Variants in GRID1 observed in about 807,000 individuals in gnomAD.
GRID1 encodes the protein glutamate ionotropic receptor delta type subunit 1.
Under a neutral mutation model 98.0 loss-of-function variants are expected in GRID1, and 28 were observed. The observed-to-expected ratio is 0.29, with a 90% CI of 0.21 to 0.39. The LOEUF (loss-of-function observed/expected upper bound fraction) is 0.39, where lower values mean the gene tolerates loss of function less well. Among genes scored for constraint, GRID1 ranks in the 10% least tolerant of loss-of-function variants. The pLI is 1.00. For synonymous variants in GRID1, 553 were observed against 538.5 expected (o/e 1.03, Z -0.37); for missense variants, 1,111 against 1,340.5 (o/e 0.83, Z 2.67).
intron 15 of GRID1, among the ~76,000 whole-genome samples, chr10:85,608,291 T>C (rs541983644): frequency 2.6e-5 from 4 of 152,298 alleles, no homozygotes; most frequent in Admixed American, 1.3e-4. Context: ...GTGGAGATTT[T>C]AGAAATTATG....
At chr10:86,237,610 G>A (rs1298788793) in intron 2 of GRID1, among the ~76,000 whole-genome samples, 2 of 151,504 alleles carry the variant, frequency 1.3e-5, no homozygotes, top group Non-Finnish European at 2.9e-5. Flanking sequence ...TGAGGCAGGA[G>A]AATGGCATGA....
At position 86,264,812 on chromosome 10, in the gene GRID1, C is replaced by T. The variant is rs370874027; in HGVS notation, c.236-58164G>A. 166 of 471,524 alleles carry T rather than the reference C, an allele frequency of 3.5e-4. 1 individual carries two copies. The highest frequency in any genetic ancestry group is 1.3e-3 in the Middle Eastern group (4 of 3,056). The allele number at this position is 471,524 out of a possible 1,614,324, so 29.2% of individuals were successfully genotyped here. A position where few individuals can be genotyped will look rare whatever the true frequency, so the allele number is the denominator to read the frequency against. ...CCTCCCACACGCTCGTCTGTGTCAC[C>T]GCCGCCCCTTCCTGGTTGGCCCTGC... On this transcript the variant is annotated intron_variant, in intron 2 of 15. Transcript: ENST00000327946.
At chr10:85,648,468 A>T (rs1843225524) in intron 12 of GRID1, among the ~76,000 whole-genome samples, 1 of 151,772 alleles carries the variant, frequency 6.6e-6, no homozygotes, top group South Asian at 2.1e-4. Context: ...TCTTCTAGAA[A>T]TCTCAGTCTC....
At chr10:86,361,340 CAT>C (rs1848598423) in intron 2 of GRID1, among the ~76,000 whole-genome samples, 1 of 152,226 alleles carries the variant, frequency 6.6e-6, no homozygotes, top group African/African-American at 2.4e-5. Context: ...CCACCAGACT[CAT>C]AAAATGAAAG....
At chr10:86,328,123 T>A (rs975693560) in intron 2 of GRID1, among the ~76,000 whole-genome samples, 1 of 152,194 alleles carries the variant, frequency 6.6e-6, no homozygotes, top group Admixed American at 6.5e-5. Context: ...CATTGGTGCA[T>A]GAAAAGAAGC....
chr10:86,277,515 T>C (rs560465456), intron 2 of GRID1, among the ~76,000 whole-genome samples: 1 of 152,350 alleles, frequency 6.6e-6, no homozygotes, highest in African/African-American at 2.4e-5. Flanking sequence ...AAATCTATTT[T>C]AATTGGCACA....
At chr10:85,662,309 T>G (rs1564551799) in intron 12 of GRID1, among the ~76,000 whole-genome samples, 1 of 152,178 alleles carries the variant, frequency 6.6e-6, no homozygotes, top group Admixed American at 6.5e-5. Context: ...TGATGTTCCT[T>G]CATGGGTTTG....
At chr10:85,980,435 C>A (rs1842530715) in intron 4 of GRID1, among the ~76,000 whole-genome samples, 1 of 152,210 alleles carries the variant, frequency 6.6e-6, no homozygotes, top group African/African-American at 2.4e-5. Context: ...AACTGTCTGT[C>A]TACAGAAATG....
intron 2 of GRID1, among the ~76,000 whole-genome samples, chr10:86,343,882 C>T (rs1848345656): frequency 6.6e-6 from 1 of 152,252 alleles, no homozygotes; most frequent in African/African-American, 2.4e-5. Flanking sequence ...ATGTCCAGAG[C>T]TGTGATGAAG....
At chr10:85,760,443 C>T (rs1842137011) in intron 8 of GRID1, among the ~76,000 whole-genome samples, 1 of 152,166 alleles carries the variant, frequency 6.6e-6, no homozygotes, top group South Asian at 2.1e-4. Context: ...TCTGTCACTC[C>T]CCCTGGCACA....
intron 4 of GRID1, among the ~76,000 whole-genome samples, chr10:85,992,718 G>C (rs1452639835): frequency 1.3e-5 from 2 of 152,136 alleles, no homozygotes; most frequent in Non-Finnish European, 2.9e-5. Context: ...GGGAAGCTGA[G>C]GCAGGAAGAG....
chr10:86,024,931 G>A (rs2131889235), intron 4 of GRID1, among the ~76,000 whole-genome samples: 1 of 152,242 alleles, frequency 6.6e-6, no homozygotes, highest in African/African-American at 2.4e-5. Flanking sequence ...ATGTCATCTG[G>A]GCCCCAGGAG....
At chr10:86,140,434 T>A (rs1462720271) in intron 3 of GRID1, among the ~76,000 whole-genome samples, 1 of 152,234 alleles carries the variant, frequency 6.6e-6, no homozygotes, top group East Asian at 1.9e-4. Flanking sequence ...CTTTCTGGTA[T>A]ACACTCATGC....
intron 3 of GRID1, among the ~76,000 whole-genome samples, chr10:86,205,334 C>A (rs1282679768): frequency 6.6e-6 from 1 of 152,242 alleles, no homozygotes; most frequent in Non-Finnish European, 1.5e-5. Flanking sequence ...GTCTCCCACA[C>A]CCTCTAACAT....
At chr10:85,762,146 C>T (rs1445379309) in intron 8 of GRID1, among the ~76,000 whole-genome samples, 1 of 152,220 alleles carries the variant, frequency 6.6e-6, no homozygotes, top group Non-Finnish European at 1.5e-5. Flanking sequence ...CACCGCATTC[C>T]TCTATCAAGG....
Position 86,138,969 on chromosome 10 carries a change from G to A in GRID1, c.576C>T (p.Val192=), listed in dbSNP as rs1459024923. The A allele has an allele frequency of 6.2e-7, 1 of 1,614,112 alleles. No individual in the cohort carries two copies. ...LDQASRLGLD[V]SLQKVDKNIS... ...TGTTCTTGTCCACCTTTTGTAAAGA[G>A]ACGTCAAGGCCCAGCCGCGAGGCCT... The change falls in exon 4 of 16, where the codon GTC becomes GTT. Residue 192 remains valine, a synonymous_variant. Transcript: ENST00000327946.
intron 8 of GRID1, among the ~76,000 whole-genome samples, chr10:85,749,746 GAGCC>G (rs1842028863): frequency 6.6e-6 from 1 of 152,100 alleles, no homozygotes; most frequent in South Asian, 2.1e-4. Flanking sequence ...TCCCAGTTTA[GAGCC>G]TTTGTACATG....
rs1001058910 is a variant in GRID1, at chr10:85,602,135, T to A, written c.*138A>T. ...ACTCCATTCTGTCATTATTTACACATATGTACAAGAAAAATGAAAGAGTCT... is the reference window on the plus strand; with the variant it reads ...ACTCCATTCTGTCATTATTTACACAAATGTACAAGAAAAATGAAAGAGTCT... On this transcript the variant is annotated 3_prime_UTR_variant, in exon 16 of 16. Transcript: ENST00000327946. 1 of 548,926 alleles carries A rather than the reference T, an allele frequency of 1.8e-6. No individual in the cohort carries two copies. Among genetic ancestry groups the A allele is most frequent in the East Asian group, 2.9e-5 (1 of 34,472 alleles). 34.0% of individuals were successfully genotyped at this position (548,926 alleles called of 1,614,324 possible). A position where few individuals can be genotyped will look rare whatever the true frequency, so the allele number is the denominator to read the frequency against.
At chr10:86,004,342 C>T (rs1381426744) in intron 4 of GRID1, among the ~76,000 whole-genome samples, 1 of 152,186 alleles carries the variant, frequency 6.6e-6, no homozygotes, top group Non-Finnish European at 1.5e-5. Context: ...AAAGAGCTTC[C>T]CAAAGTCCCT....
Sources: allele counts gnomAD v4.1 joint callset (sites outside exome capture counted in the v4.1 genomes callset), GRCh38; gene constraint gnomAD v4.1.1; transcripts MANE v1.5; gene names NCBI Gene and HGNC (gene_info 2026-07-23, HGNC 2026-07-21).